The following ATP2A3 variants were observed in gnomAD, a reference collection of about 807,000 sequenced individuals.
ATP2A3 encodes the protein sarcoplasmic/endoplasmic reticulum calcium ATPase 3.
A neutral mutation model predicts 106.8 loss-of-function variants in ATP2A3; 61 were observed. That is an observed-to-expected ratio of 0.57 (90% CI 0.46 to 0.71). The LOEUF is 0.71. Ranked by LOEUF, ATP2A3 falls within the 30% of genes least tolerant of loss-of-function variation. The probability of loss-of-function intolerance (pLI) is 0.00; values close to 1 mark genes in which losing one functional copy is unlikely to be tolerated. For missense variants in ATP2A3, 1,201 were observed against 1,423.5 expected (o/e 0.84, Z 2.52); for synonymous variants, 611 against 609.3 (o/e 1.00, Z -0.04).
At chr17:3,951,711 A>G in intron 3 of ATP2A3, 26 bp from the exon 4 acceptor site, 3 of 1,591,346 alleles carry the variant, frequency 1.9e-6, no homozygotes, top group South Asian at 2.3e-5. Flanking sequence ...TGGTGAGCTC[A>G]GGCCCTGCTG....
intron 17 of ATP2A3, 190 bp downstream of exon 17, chr17:3,935,002 G>T: frequency 1.6e-6 from 1 of 632,060 alleles, no homozygotes; most frequent in East Asian, 2.8e-5. Flanking sequence ...TTTGGCTTGG[G>T]GGTCCGTGCT....
chr17:3,937,562 G>A lies in ATP2A3; in HGVS notation c.2175C>T (p.Ala725=), dbSNP rs1233428938. 5.0e-6 allele frequency: 8 copies of A among 1,613,984 alleles called. No homozygotes were observed. The highest frequency in any genetic ancestry group is 2.2e-5 in the South Asian group (2 of 91,092). The part of the protein sequence containing the change: ...EIGIAMGSGT[A]VAKSAAEMVL... ...CCATCTCTGCCGCCGACTTGGCCAC[G>A]GCCGTGCCTGAGCCCATGGCGATGC... The change falls in exon 15 of 21, where the codon GCC becomes GCT. Residue 725 remains alanine, a synonymous_variant. Transcript: ENST00000397041.
rs73328984 is a variant in ATP2A3 at position 3,925,631 on chromosome 17, G to A, written c.2981-190C>T. ...CAAGCTGCATCCAGGATCCATCCCCGCAACGTCCCCCACGCCTCCTTCACT... is the reference window on the plus strand; with the variant it reads ...CAAGCTGCATCCAGGATCCATCCCCACAACGTCCCCCACGCCTCCTTCACT... On this transcript the variant is annotated intron_variant, in intron 20 of 20. Transcript: ENST00000397041. The surrounding 1 kb of genome is among the most constrained non-coding windows in gnomAD (Gnocchi z 4.2). Among the ~76,000 whole-genome samples, 2,675 of 118,928 alleles carry A rather than the reference G, an allele frequency of 0.022. 62 individuals carry two copies. The highest frequency in any genetic ancestry group is 0.081 in the African/African-American group (2,491 of 30,864). 78.0% of individuals were successfully genotyped at this position (118,928 alleles called of 152,430 possible).
rs1353092130 is a variant in ATP2A3, at chr17:3,942,465, C to T, written c.1545+141G>A. ...GTGGCACCAACCACCCCTACACCACCGGTTAGAGGCAAAAGGGGCTCCTGA... is the reference window on the plus strand; with the variant it reads ...GTGGCACCAACCACCCCTACACCACTGGTTAGAGGCAAAAGGGGCTCCTGA... On this transcript the variant is annotated intron_variant, in intron 12 of 20. Transcript: ENST00000397041. 30 of 1,286,166 alleles carry T rather than the reference C, an allele frequency of 2.3e-5. No homozygotes were observed. In the East Asian group the frequency reaches 2.3e-4, roughly 10 times the overall value. The allele number at this position is 1,286,166 out of a possible 1,614,324, so 79.7% of individuals were successfully genotyped here.
intron 17 of ATP2A3, among the ~76,000 whole-genome samples, chr17:3,932,110 A>G (rs1399187276): frequency 1.3e-5 from 2 of 151,750 alleles, no homozygotes; most frequent in Non-Finnish European, 2.9e-5. Flanking sequence ...ATTTGAGGCA[A>G]GTGGATATGT....
In ATP2A3 at chr17:3,928,020, C is replaced by T. The variant is rs376660477; in HGVS notation, c.2980+643G>A. On this transcript the variant is annotated intron_variant, in intron 20 of 20. Transcript: ENST00000397041. The surrounding 1 kb of genome is among the most constrained non-coding windows in gnomAD (Gnocchi z 6.1). Reference sequence around the variant, plus strand: ...TCTCTGAGCAGCTCTGACAGCGAGACGATGCTGTGTCCCTGGCCCTTGGAA... The same window carrying T: ...TCTCTGAGCAGCTCTGACAGCGAGATGATGCTGTGTCCCTGGCCCTTGGAA... 19 of 1,613,988 alleles carry T rather than the reference C, an allele frequency of 1.2e-5. 1 individual carries two copies. The highest frequency in any genetic ancestry group is 1.6e-4 in the Middle Eastern group (1 of 6,084).
chr17:3,943,432 G>A lies in ATP2A3; in HGVS notation c.1378C>T (p.Gln460Ter), dbSNP rs1481343316. The change falls in exon 11 of 21, where the codon CAG (glutamine) becomes TAG (stop). Residue 460 changes from glutamine (Q) to a stop codon, truncating the protein, a stop_gained. Transcript: ENST00000397041. LOFTEE classifies it high-confidence loss of function. ...EKMNVFDTDL[Q>*]ALSRVERAGA... The stretch of plus-strand genomic sequence containing the variant: ...GCTCGCTCCACCCGGGACAGAGCCT[G>A]CAGGTCGGTGTCGAACACGTTCATC... 1.2e-6 allele frequency: 2 copies of A among 1,614,104 alleles called. No homozygotes were observed.
rs560332647 is a variant in ATP2A3 at position 3,953,229 on chromosome 17, G to A, written c.219+118C>T. On this transcript the variant is annotated intron_variant, in intron 3 of 20. Coordinates refer to ENST00000397041, the MANE Select transcript of ATP2A3 (RefSeq NM_005173.4). This position sits in a 1 kb window ranked among gnomAD's most constrained non-coding sequence, Gnocchi z 5.1. ...CAGGGCAGGGCCAGGGAAGGCCAGGGCGCAGGCCCAGGGTGTGGAGGACAG... is the reference window on the plus strand; with the variant it reads ...CAGGGCAGGGCCAGGGAAGGCCAGGACGCAGGCCCAGGGTGTGGAGGACAG... 1 of 1,186,442 alleles carries A rather than the reference G, an allele frequency of 8.4e-7. No individual in the cohort carries two copies. Among genetic ancestry groups the A allele is most frequent in the East Asian group, 2.3e-5 (1 of 42,742 alleles). 73.5% of individuals were successfully genotyped at this position (1,186,442 alleles called of 1,614,324 possible). A position where few individuals can be genotyped will look rare whatever the true frequency, so the allele number is the denominator to read the frequency against.
chr17:3,927,159 C>T (rs2052754142), intron 20 of ATP2A3: 2 of 985,306 alleles, frequency 2.0e-6, no homozygotes, highest in African/African-American at 3.5e-5. Context: ...AGGAATCTCT[C>T]CCTCCCAGCC....
intron 7 of ATP2A3, among the ~76,000 whole-genome samples, chr17:3,948,991 G>A (rs866426454): frequency 2.4e-4 from 36 of 152,162 alleles, no homozygotes; most frequent in African/African-American, 7.7e-4. Flanking sequence ...AGCTGGGCAC[G>A]GTGGTGTGTG....
Position 3,947,808 on chromosome 17 carries a change from G to T in ATP2A3, c.678C>A (p.Thr226=). 6.3e-7 allele frequency: 1 copy of T among 1,599,846 alleles called. No homozygotes were observed. Among genetic ancestry groups the T allele is most frequent in the Non-Finnish European group, 8.5e-7 (1 of 1,179,856 alleles). ...SGKAVGVAVA[T]GLHTELGKIR... ...TCTTGCCCAGCTCCGTGTGCAGGCC[G>T]GTGGCCACGGCCACACCCACCGCTT... Residue 226 remains threonine, a synonymous_variant, in exon 8 of 21, where the codon ACC becomes ACA. Transcript: ENST00000397041. The surrounding 1 kb of genome is among the most constrained non-coding windows in gnomAD (Gnocchi z 7.7).
chr17:3,935,589 G>A (rs2053398408), intron 16 of ATP2A3, among the ~76,000 whole-genome samples: 1 of 150,262 alleles, frequency 6.7e-6, no homozygotes, highest in South Asian at 2.1e-4. Flanking sequence ...CCAGGCTGGA[G>A]TGCAATGGTG....
At chr17:3,931,884 G>A (rs1024464537) in intron 17 of ATP2A3, among the ~76,000 whole-genome samples, 3 of 152,172 alleles carry the variant, frequency 2.0e-5, no homozygotes, top group Non-Finnish European at 4.4e-5. Flanking sequence ...AAAGAAAAAC[G>A]TGTAAAATGC....
Position 3,936,331 on chromosome 17 carries a change from C to A in ATP2A3, c.2460G>T (p.Leu820=), listed in dbSNP as rs2144371327. 2 of 1,614,104 alleles carry A rather than the reference C, an allele frequency of 1.2e-6. No individual in the cohort carries two copies. Among genetic ancestry groups the A allele is most frequent in the Non-Finnish European group, 1.7e-6 (2 of 1,180,024 alleles). The change falls in exon 16 of 21, where the codon CTG becomes CTT. Residue 820 remains leucine, a synonymous_variant. Coordinates refer to ENST00000397041, the MANE Select transcript of ATP2A3 (RefSeq NM_005173.4). The surrounding 1 kb of genome is among the most constrained non-coding windows in gnomAD (Gnocchi z 5.4). The part of the protein sequence containing the change: ...NPPDLDIMEK[L]PRSPREALIS... ...TGAGGGCTTCTCGGGGGCTCCGGGG[C>A]AGCTTCTCCATGATGTCCAGGTCTG...
chr17:3,953,308 T>A lies in ATP2A3; in HGVS notation c.219+39A>T. The stretch of plus-strand genomic sequence containing the variant: ...CCCAGCCTGGCTCTCCCTCCAGGGC[T>A]ACCGACTACCACAGGATGGCTGGCA... On this transcript the variant is annotated intron_variant, in intron 3 of 20. Transcript: ENST00000397041. This position sits in a 1 kb window ranked among gnomAD's most constrained non-coding sequence, Gnocchi z 5.1. 1 of 1,605,536 alleles carries A rather than the reference T, an allele frequency of 6.2e-7. No homozygotes were observed. The highest frequency in any genetic ancestry group is 8.5e-7 in the Non-Finnish European group (1 of 1,172,620).
Position 3,929,420 on chromosome 17 carries a change from G to A in ATP2A3, c.2770C>T (p.Arg924Trp), listed in dbSNP as rs199574831. The A allele has an allele frequency of 1.8e-4, 288 of 1,593,320 alleles. No individual in the cohort carries two copies. Among genetic ancestry groups the A allele is most frequent in the Admixed American group, 1.0e-3 (59 of 57,480 alleles). ...CAGGGGTTCATCCAGGGCGGCATCC[G>A]CAGCAGCGACTGGTTCTCCGAGACG... The part of the protein sequence containing the change: ...NSVSENQSLL[R>W]MPPWMNPWLL... The change falls in exon 19 of 21, where the codon CGG becomes TGG. Residue 924 changes from arginine to tryptophan, a missense_variant. Coordinates refer to ENST00000397041, the MANE Select transcript of ATP2A3 (RefSeq NM_005173.4). This position sits in a 1 kb window ranked among gnomAD's most constrained non-coding sequence, Gnocchi z 4.3.
intron 11 of ATP2A3, among the ~76,000 whole-genome samples, chr17:3,943,125 TA>T (rs1221211257): frequency 6.6e-6 from 1 of 151,882 alleles, no homozygotes; most frequent in Non-Finnish European, 1.5e-5. Context: ...CTGTCTCTAC[TA>T]AAAAATGCAA....
rs1054890330 is a variant in ATP2A3, at chr17:3,924,742, C to T, written c.*680G>A. 2.8e-5 allele frequency: 13 copies of T among 456,478 alleles called. No individual in the cohort carries two copies. Among genetic ancestry groups the T allele is most frequent in the East Asian group, 6.9e-5 (1 of 14,402 alleles). The allele number at this position is 456,478 out of a possible 1,614,324, so 28.3% of individuals were successfully genotyped here. On this transcript the variant is annotated 3_prime_UTR_variant, in exon 21 of 21. Transcript: ENST00000397041. The surrounding 1 kb of genome is among the most constrained non-coding windows in gnomAD (Gnocchi z 6.4). ...CTTGTCTCCCGGGAAAGGACATCCT[C>T]GCTCCGCCCTCCTGCCGGCTCCTTG...
In ATP2A3 at chr17:3,942,726, G is replaced by A. The variant is rs768055817; in HGVS notation, c.1425C>T (p.Ile475=). 1.2e-6 allele frequency: 2 copies of A among 1,613,024 alleles called. No homozygotes were observed. The highest frequency in any genetic ancestry group is 2.2e-5 in the South Asian group (2 of 91,072). The change falls in exon 12 of 21, where the codon ATC becomes ATT. Residue 475 remains isoleucine, a synonymous_variant. Coordinates refer to ENST00000397041, the MANE Select transcript of ATP2A3 (RefSeq NM_005173.4). ...TGAACTCCTTCCGCATCAGCTGCTT[G>A]ATGACCTGCGGGGTCCAGGCAGGTC... ...VERAGACNTV[I]KQLMRKEFTL...
Sources: gnomAD v4.1 joint callset for allele counts (sites outside exome capture counted in the v4.1 genomes callset) on GRCh38, gnomAD v4.1.1 for gene constraint, Gnocchi (gnomAD v3.1) non-coding constraint, MANE v1.5 for transcripts, NCBI Gene and HGNC (gene_info 2026-07-23, HGNC 2026-07-21) for gene names.